PTPRO: variants seen among roughly 807,000 people sequenced by gnomAD.
The protein encoded by PTPRO is receptor-type tyrosine-protein phosphatase O.
In PTPRO, 62 loss-of-function variants were observed where a neutral mutation model predicts 145.2. That is an observed-to-expected ratio of 0.43 (90% CI 0.35 to 0.53). PTPRO has a LOEUF of 0.53. PTPRO is among the 20% of genes least tolerant of loss of function. PTPRO has a pLI of 0.01. For missense variants in PTPRO, 1,345 were observed against 1,482.7 expected, an observed-to-expected ratio of 0.91 and a Z score of 1.53; for synonymous variants, 565 against 514.7, an observed-to-expected ratio of 1.10 and a Z score of -1.32.
chr12:15,399,278 T>C (rs1342210426), intron 1 of PTPRO, among the ~76,000 whole-genome samples: 1 of 152,372 alleles, frequency 6.6e-6, no homozygotes, highest in African/African-American at 2.4e-5. Context: ...GCTTTTTACA[T>C]ATATTAACAT....
At chr12:15,393,768 T>TA (rs1939258538) in intron 1 of PTPRO, among the ~76,000 whole-genome samples, 1 of 152,184 alleles carries the variant, frequency 6.6e-6, no homozygotes. Flanking sequence ...CTTAGTCAGC[T>TA]TTCTGTTGCT....
At position 15,415,607 on chromosome 12, in the gene PTPRO, G is replaced by A. The variant is rs138658124; in HGVS notation, c.76-68367G>A. Among the ~76,000 whole-genome samples, 316 of 151,652 alleles carry A rather than the reference G, an allele frequency of 2.1e-3. 8 individuals carry two copies. The highest frequency in any genetic ancestry group is 6.2e-3 in the South Asian group (30 of 4,808). Reference sequence around the variant, plus strand: ...CACTCATGTTAGCCAGGATGGTCTCGATCTCCCGACCTTGTGATCCGCCCA... The same window carrying A: ...CACTCATGTTAGCCAGGATGGTCTCAATCTCCCGACCTTGTGATCCGCCCA... On this transcript the variant is annotated intron_variant, in intron 1 of 26. Coordinates refer to ENST00000281171, the MANE Select transcript of PTPRO (RefSeq NM_030667.3).
intron 1 of PTPRO, among the ~76,000 whole-genome samples, chr12:15,430,656 G>T (rs948345096): frequency 3.9e-5 from 6 of 152,092 alleles, no homozygotes; most frequent in African/African-American, 1.4e-4. Context: ...GAGATCTATT[G>T]TACATCATGG....
intron 11 of PTPRO, among the ~76,000 whole-genome samples, chr12:15,525,575 T>G (rs1942820652): frequency 6.6e-6 from 1 of 152,152 alleles, no homozygotes; most frequent in South Asian, 2.1e-4. Context: ...CACCATTACA[T>G]GCATGTTCCA....
chr12:15,515,881 G>A (rs562776533), intron 8 of PTPRO, among the ~76,000 whole-genome samples: 16 of 151,362 alleles, frequency 1.1e-4, no homozygotes, highest in Non-Finnish European at 1.6e-4. Flanking sequence ...GCTGTGTGCC[G>A]TGGCACACAC....
chr12:15,427,488 G>GT (rs1255366379), intron 1 of PTPRO, among the ~76,000 whole-genome samples: 1 of 151,582 alleles, frequency 6.6e-6, no homozygotes, highest in Non-Finnish European at 1.5e-5. Context: ...AATTCTAGTG[G>GT]TTTTTTAATT....
chr12:15,386,152 A>C (rs1462765646), intron 1 of PTPRO, among the ~76,000 whole-genome samples: 1 of 152,128 alleles, frequency 6.6e-6, no homozygotes, highest in African/African-American at 2.4e-5. Context: ...AAAGACACAC[A>C]AAAAAATAAG....
intron 1 of PTPRO, among the ~76,000 whole-genome samples, chr12:15,343,636 A>G (rs1867086270): frequency 6.6e-6 from 1 of 152,142 alleles, no homozygotes; most frequent in Non-Finnish European, 1.5e-5. Context: ...TGCAGTGAAC[A>G]TGATTGTGCC....
At position 15,596,561 on chromosome 12, in the gene PTPRO, G is replaced by T. The variant is rs1407906363; in HGVS notation, c.*488G>T. 6.6e-6 allele frequency: 1 copy of T among 152,600 alleles called. No individual in the cohort carries two copies. The highest frequency in any genetic ancestry group is 1.5e-5 in the Non-Finnish European group (1 of 68,040). 9.5% of individuals were successfully genotyped at this position (152,600 alleles called of 1,614,324 possible). A position where few individuals can be genotyped will look rare whatever the true frequency, so the allele number is the denominator to read the frequency against. On this transcript the variant is annotated 3_prime_UTR_variant, in exon 27 of 27. Transcript: ENST00000281171. The stretch of plus-strand genomic sequence containing the variant: ...ATACCTCATTATTAAAAGGAGGCAT[G>T]GCCACACATGAAGAAATGGTCATTC...
At chr12:15,440,756 C>A (rs1940741283) in intron 1 of PTPRO, among the ~76,000 whole-genome samples, 1 of 152,054 alleles carries the variant, frequency 6.6e-6, no homozygotes, top group South Asian at 2.1e-4. Flanking sequence ...ATACTTTAAG[C>A]CAACAACAGT....
intron 17 of PTPRO, among the ~76,000 whole-genome samples, chr12:15,562,310 C>T (rs922070721): frequency 6.6e-5 from 10 of 152,128 alleles, no homozygotes; most frequent in Non-Finnish European, 1.3e-4. Flanking sequence ...TTTTCCCCTG[C>T]TTTCATTGGC....
At chr12:15,506,985 C>G (rs1392259405) in intron 6 of PTPRO, among the ~76,000 whole-genome samples, 1 of 152,154 alleles carries the variant, frequency 6.6e-6, no homozygotes, top group Non-Finnish European at 1.5e-5. Flanking sequence ...AAGTCTCATG[C>G]AGGGTTGAGA....
chr12:15,594,871 C>T lies in PTPRO; in HGVS notation c.3547-66C>T, dbSNP rs182797101. On this transcript the variant is annotated intron_variant, in intron 25 of 26. Coordinates refer to ENST00000281171, the MANE Select transcript of PTPRO (RefSeq NM_030667.3). ...ACCAGATCTTGATCATTAAAATTGT[C>T]ATAGTATAAAATATTATATCTTTGC... 8.1e-6 allele frequency: 9 copies of T among 1,113,266 alleles called. No homozygotes were observed. The East Asian group carries it at 1.8e-4, about 22-fold the overall frequency. 69.0% of individuals were successfully genotyped at this position (1,113,266 alleles called of 1,614,324 possible). A position where few individuals can be genotyped will look rare whatever the true frequency, so the allele number is the denominator to read the frequency against.
intron 1 of PTPRO, among the ~76,000 whole-genome samples, chr12:15,360,785 T>TGTGTGTATATGTGTGTATATATAC (rs1565585434): frequency 6.8e-6 from 1 of 146,236 alleles, no homozygotes; most frequent in African/African-American, 2.5e-5. Flanking sequence ...TGTGTATATA[T>TGTGTGTATATGTGTGTATATATAC]GTGTGTATAT....
At chr12:15,500,796 C>A (rs962267751) in intron 4 of PTPRO, among the ~76,000 whole-genome samples, 4 of 152,120 alleles carry the variant, frequency 2.6e-5, no homozygotes, top group African/African-American at 9.7e-5. Flanking sequence ...GTGGCTGGTG[C>A]CTGTAATCCC....
At chr12:15,503,865 A>G (rs757425837) in intron 5 of PTPRO, 43 bp from the exon 6 acceptor site, 2 of 1,496,954 alleles carry the variant, frequency 1.3e-6, no homozygotes, top group East Asian at 2.3e-5. Flanking sequence ...GGGCCTTTCC[A>G]GGTGTCTATT....
intron 1 of PTPRO, among the ~76,000 whole-genome samples, chr12:15,452,062 C>G (rs1941060428): frequency 6.6e-6 from 1 of 151,948 alleles, no homozygotes; most frequent in Non-Finnish European, 1.5e-5. Flanking sequence ...AAAACTGGTT[C>G]TTTGAAAGGA....
intron 12 of PTPRO, among the ~76,000 whole-genome samples, chr12:15,542,244 G>T (rs1270719855): frequency 6.6e-6 from 1 of 152,180 alleles, no homozygotes; most frequent in Non-Finnish European, 1.5e-5. Flanking sequence ...GGGGTGTCCA[G>T]TCTTTTGGCT....
chr12:15,339,544 C>A (rs938372201), intron 1 of PTPRO, among the ~76,000 whole-genome samples: 2 of 152,140 alleles, frequency 1.3e-5, no homozygotes, highest in African/African-American at 4.8e-5. Context: ...ATTCTAAATA[C>A]GTGTGCTCTG....
Sources: allele counts gnomAD v4.1 joint callset (sites outside exome capture counted in the v4.1 genomes callset), GRCh38; gene constraint gnomAD v4.1.1; transcripts MANE v1.5; gene names NCBI Gene and HGNC (gene_info 2026-07-23, HGNC 2026-07-21).